The following IMMP2L variants were observed in gnomAD, a reference collection of about 807,000 sequenced individuals.
IMMP2L encodes inner mitochondrial membrane peptidase subunit 2.
IMMP2L carries 18 observed loss-of-function variants against 19.3 expected under a neutral mutation model. The ratio of observed to expected loss-of-function variants is 0.93; its 90% CI spans 0.64 to 1.38. The LOEUF (loss-of-function observed/expected upper bound fraction) is 1.38, where lower values mean the gene tolerates loss of function less well. Ranked by LOEUF, IMMP2L falls within the 40% of genes most tolerant of loss-of-function variation. The probability of loss-of-function intolerance (pLI) is 0.00; values close to 1 mark genes in which losing one functional copy is unlikely to be tolerated. For synonymous variants in IMMP2L, 76 were observed against 73.0 expected, an observed-to-expected ratio of 1.04 and a Z score of -0.21; for missense variants, 233 against 218.2, an observed-to-expected ratio of 1.07 and a Z score of -0.43.
At chr7:111,561,558 C>G (rs1792057291) in intron 1 of IMMP2L, among the ~76,000 whole-genome samples, 1 of 152,020 alleles carries the variant, frequency 6.6e-6, no homozygotes, top group Non-Finnish European at 1.5e-5. Flanking sequence ...CTAGAGAGGA[C>G]CAATGTTCCA....
At chr7:110,697,665 C>T (rs531049135) in intron 5 of IMMP2L, among the ~76,000 whole-genome samples, 2 of 152,054 alleles carry the variant, frequency 1.3e-5, no homozygotes, top group African/African-American at 4.8e-5. Flanking sequence ...TGTGGTGGTG[C>T]GGGCTGTAGT....
At chr7:110,996,362 G>A (rs1363976301) in intron 3 of IMMP2L, among the ~76,000 whole-genome samples, 6 of 152,098 alleles carry the variant, frequency 3.9e-5, no homozygotes, top group Admixed American at 1.3e-4. Context: ...ACTGTGGCGG[G>A]AGCAGAGAGA....
intron 3 of IMMP2L, among the ~76,000 whole-genome samples, chr7:111,418,297 A>G (rs1015937926): frequency 6.6e-6 from 1 of 151,744 alleles, no homozygotes; most frequent in Admixed American, 6.6e-5. Context: ...CAGGTCCCCA[A>G]TAAAACCTTG....
At chr7:111,357,242 A>G (rs374039166) in intron 3 of IMMP2L, among the ~76,000 whole-genome samples, 23 of 152,248 alleles carry the variant, frequency 1.5e-4, no homozygotes, top group African/African-American at 5.5e-4. Context: ...TTTAAAACCT[A>G]TTTTTAAATA....
At chr7:111,197,198 C>G (rs1365432709) in intron 3 of IMMP2L, among the ~76,000 whole-genome samples, 1 of 152,044 alleles carries the variant, frequency 6.6e-6, no homozygotes, top group Admixed American at 6.6e-5. Context: ...CTCGGTGGCT[C>G]ACGCCTGTAA....
At chr7:110,712,126 C>T (rs1456557823) in intron 5 of IMMP2L, among the ~76,000 whole-genome samples, 1 of 107,956 alleles carries the variant, frequency 9.3e-6, no homozygotes, top group Non-Finnish European at 2.2e-5. Context: ...CCGTTTTTTC[C>T]CCATCTTTGT....
chr7:110,917,682 A>T (rs1280592247), intron 4 of IMMP2L, among the ~76,000 whole-genome samples: 1 of 152,228 alleles, frequency 6.6e-6, no homozygotes, highest in Non-Finnish European at 1.5e-5. Flanking sequence ...GGCAAAGAAT[A>T]GGGAGACGGG....
chr7:111,497,960 C>T (rs1358505888), intron 2 of IMMP2L, among the ~76,000 whole-genome samples: 1 of 151,796 alleles, frequency 6.6e-6, no homozygotes, highest in South Asian at 2.1e-4. Context: ...TTATTTTCCA[C>T]ATTTTTCTAT....
intron 5 of IMMP2L, among the ~76,000 whole-genome samples, chr7:110,742,157 TAGTA>T (rs1294371293): frequency 7.2e-5 from 11 of 152,206 alleles, no homozygotes; most frequent in African/African-American, 2.7e-4. Flanking sequence ...CAATATAAAT[TAGTA>T]AGTATTAGTT....
intron 3 of IMMP2L, among the ~76,000 whole-genome samples, chr7:111,460,824 T>C (rs1402526100): frequency 1.3e-5 from 2 of 152,060 alleles, no homozygotes; most frequent in African/African-American, 2.4e-5. Flanking sequence ...ATGGACTATA[T>C]TGAACCCCAG....
chr7:111,339,317 G>C (rs1305718666), intron 3 of IMMP2L, among the ~76,000 whole-genome samples: 12 of 151,778 alleles, frequency 7.9e-5, no homozygotes, highest in Admixed American at 2.0e-4. Flanking sequence ...TAAGTAAAGG[G>C]AAGATAGTTA....
At position 110,784,997 on chromosome 7, in the gene IMMP2L, T is replaced by C. The variant is rs914969840; in HGVS notation, c.408+101596A>G. Among the ~76,000 whole-genome samples, 6 of 151,984 alleles carry C rather than the reference T, an allele frequency of 3.9e-5. No homozygotes were observed. The East Asian group carries it at 5.8e-4, about 15-fold the overall frequency. ...CACTTGTAAAACATTTTCTAAAACATGGTATTAGAAATTACCTTTACTCAG... is the reference window on the plus strand; with the variant it reads ...CACTTGTAAAACATTTTCTAAAACACGGTATTAGAAATTACCTTTACTCAG... On this transcript the variant is annotated intron_variant, in intron 5 of 5. Coordinates refer to ENST00000405709, the MANE Select transcript of IMMP2L (RefSeq NM_032549.4).
intron 3 of IMMP2L, among the ~76,000 whole-genome samples, chr7:111,024,608 A>G (rs1319259564): frequency 1.3e-5 from 2 of 152,148 alleles, no homozygotes; most frequent in Admixed American, 6.6e-5. Context: ...GTCTTGTTTC[A>G]TATATTTTGC....
At chr7:111,547,515 C>CCCCCCG (rs1176712613) in intron 1 of IMMP2L, among the ~76,000 whole-genome samples, 1 of 147,860 alleles carries the variant, frequency 6.8e-6, no homozygotes. Context: ...ACCCCCCCCC[C>CCCCCCG]CTTTTTATCC....
At chr7:110,790,058 G>T (rs1335934552) in intron 5 of IMMP2L, among the ~76,000 whole-genome samples, 1 of 151,654 alleles carries the variant, frequency 6.6e-6, no homozygotes, top group Non-Finnish European at 1.5e-5. Context: ...ATGAAAGCTT[G>T]CTAAGGATAT....
chr7:111,146,346 T>A (rs1349488477), intron 3 of IMMP2L, among the ~76,000 whole-genome samples: 1 of 152,114 alleles, frequency 6.6e-6, no homozygotes. Flanking sequence ...TTTCTTTTAA[T>A]ATTAAATTCC....
At chr7:111,279,023 A>G (rs1258233737) in intron 3 of IMMP2L, among the ~76,000 whole-genome samples, 1 of 152,204 alleles carries the variant, frequency 6.6e-6, no homozygotes, top group Non-Finnish European at 1.5e-5. Flanking sequence ...ATAAAAATCA[A>G]TTAACCTAAG....
chr7:111,321,135 C>A (rs1057168812), intron 3 of IMMP2L, among the ~76,000 whole-genome samples: 1 of 151,888 alleles, frequency 6.6e-6, no homozygotes, highest in Non-Finnish European at 1.5e-5. Context: ...CAGGGCAATC[C>A]TAATGAATCT....
In IMMP2L at chr7:111,123,732, T is replaced by C. The variant is rs755584386; in HGVS notation, c.240-160167A>G. On this transcript the variant is annotated intron_variant, in intron 3 of 5. Transcript: ENST00000405709. The surrounding 1 kb of genome is among the most constrained non-coding windows in gnomAD (Gnocchi z 6.4). ...GAAAAATAGAAGCTACTAACAACCCTAGATTGTCTTACATTCACCCCAATG... is the reference window on the plus strand; with the variant it reads ...GAAAAATAGAAGCTACTAACAACCCCAGATTGTCTTACATTCACCCCAATG... 3.1e-6 allele frequency: 5 copies of C among 1,613,780 alleles called. No individual in the cohort carries two copies. The highest frequency in any genetic ancestry group is 1.3e-5 in the African/African-American group (1 of 74,892).
Sources: gnomAD v4.1 joint callset for allele counts (sites outside exome capture counted in the v4.1 genomes callset) on GRCh38, gnomAD v4.1.1 for gene constraint, Gnocchi (gnomAD v3.1) non-coding constraint, MANE v1.5 for transcripts, NCBI Gene and HGNC (gene_info 2026-07-23, HGNC 2026-07-21) for gene names.